COQ7: variants seen among roughly 807,000 people sequenced by gnomAD.
COQ7 encodes coenzyme Q7, hydroxylase.
Under a neutral mutation model 25.0 loss-of-function variants are expected in COQ7, and 21 were observed. The observed-to-expected ratio is 0.84, with a 90% CI of 0.60 to 1.21. COQ7 has a LOEUF of 1.21. COQ7 is among the 50% of genes most tolerant of loss of function. The pLI, the probability that COQ7 is intolerant of heterozygous loss-of-function variation, is 0.00. For synonymous variants in COQ7, 125 were observed against 112.4 expected, an observed-to-expected ratio of 1.11 and a Z score of -0.71; for missense variants, 311 against 296.2, an observed-to-expected ratio of 1.05 and a Z score of -0.37.
At chr16:19,074,216 A>C in intron 3 of COQ7, 181 bp downstream of exon 3, 2 of 511,128 alleles carry the variant, frequency 3.9e-6, no homozygotes, top group Non-Finnish European at 7.0e-6. Flanking sequence ...TTAAGATAGA[A>C]TCTTAATGTC....
intron 2 of COQ7, among the ~76,000 whole-genome samples, chr16:19,072,908 C>T (rs1048505310): frequency 5.9e-5 from 9 of 152,206 alleles, no homozygotes; most frequent in Admixed American, 1.3e-4. Flanking sequence ...TGGTGGCTCA[C>T]GCCTGTAATC....
downstream of COQ7, among the ~76,000 whole-genome samples, chr16:19,082,805 A>G (rs137968507): frequency 2.6e-4 from 17 of 64,220 alleles, no homozygotes; most frequent in East Asian, 8.6e-3. Context: ...TTTTATGTAT[A>G]TTTTACCACA....
intron 1 of COQ7, among the ~76,000 whole-genome samples, chr16:19,070,009 C>T (rs1375764429): frequency 6.6e-6 from 1 of 151,962 alleles, no homozygotes; most frequent in Non-Finnish European, 1.5e-5. Context: ...GTCTTGAACT[C>T]CTGGTCTCAA....
chr16:19,078,031 C>A, intron 5 of COQ7, 50 bp from the exon 6 acceptor site: 1 of 1,465,818 alleles, frequency 6.8e-7, no homozygotes, highest in Non-Finnish European at 9.3e-7. Context: ...ATCTTACAAC[C>A]GAAAATGAGC....
In COQ7 at chr16:19,077,411, C is replaced by G. The variant is rs539621349; in HGVS notation, c.576+37C>G. On this transcript the variant is annotated intron_variant, in intron 5 of 5. Transcript: ENST00000321998. ...CTGTTACCTGTTCTGCTTTGGGACT[C>G]CTTATTTGGGAGGCTGAAGGGGCAG... 24 of 1,575,982 alleles carry G rather than the reference C, an allele frequency of 1.5e-5. No homozygotes were observed. The East Asian group carries it at 2.9e-4, about 19-fold the overall frequency.
intron 3 of COQ7, among the ~76,000 whole-genome samples, chr16:19,074,672 C>T (rs928384052): frequency 6.6e-6 from 1 of 152,232 alleles, no homozygotes; most frequent in Middle Eastern, 3.4e-3. Context: ...GCCTCTGAGC[C>T]TGAGTATCTT....
At chr16:19,082,749 A>C (rs1963117220), downstream of COQ7, among the ~76,000 whole-genome samples, 1 of 128,258 alleles carries the variant, frequency 7.8e-6, no homozygotes, top group Non-Finnish European at 1.8e-5. Context: ...CCTGGGCAAC[A>C]GAGTGAGACT....
rs760398801 is a variant in COQ7 at position 19,072,052 on chromosome 16, C to G, written c.198C>G (p.Ile66Met). 6.2e-7 allele frequency: 1 copy of G among 1,614,206 alleles called. No individual in the cohort carries two copies. Among genetic ancestry groups the G allele is most frequent in the Admixed American group, 1.7e-5 (1 of 60,008 alleles). Residue 66 changes from isoleucine to methionine, a missense_variant, in exon 2 of 6, where the codon ATC (isoleucine) becomes ATG (methionine). Transcript: ENST00000321998. ...CAGGCGAATATGGAGCAAACCGCAT[C>G]TATGCCGGGCAGATGGCTGTCCTGG... ...DHAGEYGANR[I>M]YAGQMAVLGR...
intron 5 of COQ7, 72 bp downstream of exon 5, chr16:19,077,446 G>C: frequency 7.7e-7 from 1 of 1,290,836 alleles, no homozygotes; most frequent in Admixed American, 2.1e-5. Flanking sequence ...GGAGGTTTCT[G>C]TTGCCAGAAA....
intron 2 of COQ7, among the ~76,000 whole-genome samples, chr16:19,072,571 G>A (rs374680914): frequency 3.9e-5 from 6 of 152,100 alleles, no homozygotes; most frequent in Non-Finnish European, 7.3e-5. Flanking sequence ...GACTTCTCTG[G>A]GTTTCCATTT....
chr16:19,078,049 A>C (rs1567542992), intron 5 of COQ7, 32 bp from the exon 6 acceptor site: 5 of 1,560,792 alleles, frequency 3.2e-6, no homozygotes, highest in Middle Eastern at 1.7e-4. Context: ...AGCACATAAC[A>C]TGTTTCTTTG....
chr16:19,068,237 T>A, intron 1 of COQ7: 2 of 1,006,750 alleles, frequency 2.0e-6, no homozygotes, highest in Non-Finnish European at 2.4e-6. Context: ...TTAGGTGATT[T>A]GCATGCACTG....
chr16:19,069,599 C>CG (rs1962447989), intron 1 of COQ7, among the ~76,000 whole-genome samples: 2 of 151,654 alleles, frequency 1.3e-5, no homozygotes, highest in African/African-American at 4.8e-5. Context: ...TTGGTAGAGA[C>CG]GGGGTTTCGC....
chr16:19,082,568 G>A (rs1034221630), downstream of COQ7, among the ~76,000 whole-genome samples: 1 of 151,876 alleles, frequency 6.6e-6, no homozygotes, highest in African/African-American at 2.4e-5. Flanking sequence ...GGTGCATCAC[G>A]AGGTCAGGAG....
chr16:19,072,657 G>C (rs1301700614), intron 2 of COQ7, among the ~76,000 whole-genome samples: 1 of 152,178 alleles, frequency 6.6e-6, no homozygotes, highest in Non-Finnish European at 1.5e-5. Context: ...GGTCAAGTTA[G>C]TACAAGTTAA....
intron 4 of COQ7, 120 bp from the exon 5 acceptor site, chr16:19,077,186 T>C (rs750192133): frequency 1.2e-5 from 10 of 801,108 alleles, no homozygotes; most frequent in Non-Finnish European, 1.9e-5. Flanking sequence ...TCTGGCCCTT[T>C]AGAGGAAAAG....
chr16:19,067,708 T>C lies in COQ7; in HGVS notation c.44T>C (p.Leu15Pro). The change falls in exon 1 of 6, where the codon CTG becomes CCG. Residue 15 changes from leucine (L) to proline (P), a missense_variant. By Grantham distance (98) the Leu-to-Pro change is moderately conservative. Transcript: ENST00000321998. The stretch of plus-strand genomic sequence containing the variant: ...GCGGCGGCTCCCCGCCTTTGGCGGC[T>C]GCGCCCGGGGGCCCGGCGGTCCCTC... ...GAAAAPRLWRLRPGARRSLSA... is the reference protein window; with the variant it reads ...GAAAAPRLWRPRPGARRSLSA... 6.2e-7 allele frequency: 1 copy of C among 1,607,828 alleles called. No homozygotes were observed. Among genetic ancestry groups the C allele is most frequent in the Non-Finnish European group, 8.5e-7 (1 of 1,178,136 alleles).
At chr16:19,072,437 C>A (rs990736329) in intron 2 of COQ7, 5 of 245,376 alleles carry the variant, frequency 2.0e-5, no homozygotes, top group Admixed American at 2.0e-4. Context: ...TGCCCCCTAC[C>A]GTGCCAGAGA....
chr16:19,080,082 C>T lies in COQ7; in HGVS notation c.*1924C>T, dbSNP rs1450290709. ...ATTGAACCTTGAAATAAAAGCACAACAAGGTTTTCTTAAGGTACTGATCTG... is the reference window on the plus strand; with the variant it reads ...ATTGAACCTTGAAATAAAAGCACAATAAGGTTTTCTTAAGGTACTGATCTG... On this transcript the variant is annotated 3_prime_UTR_variant, in exon 6 of 6. Transcript: ENST00000321998. The T allele has an allele frequency of 6.6e-6, 1 of 152,078 alleles. No individual in the cohort carries two copies. Among genetic ancestry groups the T allele is most frequent in the Non-Finnish European group, 1.5e-5 (1 of 68,028 alleles). The allele number at this position is 152,078 out of a possible 1,614,324, so 9.4% of individuals were successfully genotyped here.
Sources: allele counts gnomAD v4.1 joint callset (sites outside exome capture counted in the v4.1 genomes callset), GRCh38; gene constraint gnomAD v4.1.1; transcripts MANE v1.5; gene names NCBI Gene and HGNC (gene_info 2026-07-23, HGNC 2026-07-21).